Variants in SCML2 observed in about 807,000 individuals in gnomAD.
SCML2 encodes sex comb on midleg-like protein 2.
In SCML2, 6 loss-of-function variants were observed where a neutral mutation model predicts 48.4. That is an observed-to-expected ratio of 0.12 (90% CI 0.07 to 0.24). The LOEUF is 0.24. Among genes scored for constraint, SCML2 ranks in the 10% least tolerant of loss-of-function variants. SCML2 has a pLI of 1.00. For synonymous variants in SCML2, 181 were observed against 189.5 expected, an observed-to-expected ratio of 0.95 and a Z score of 0.37; for missense variants, 377 against 528.2, an observed-to-expected ratio of 0.71 and a Z score of 2.81.
At chrX:18,349,352 A>T (rs1189200637) in intron 1 of SCML2, among the ~76,000 whole-genome samples, 1 of 112,597 alleles carries the variant, frequency 8.9e-6, no homozygotes, top group Non-Finnish European at 1.9e-5. Flanking sequence ...CTTATTCTAT[A>T]AGTTTTAACT....
chrX:18,310,736 C>A (rs920845877), intron 6 of SCML2, among the ~76,000 whole-genome samples: 1 of 111,029 alleles, frequency 9.0e-6, no homozygotes, highest in Non-Finnish European at 1.9e-5. Flanking sequence ...CAGGAACGTG[C>A]CACCACATCC....
intron 7 of SCML2, among the ~76,000 whole-genome samples, chrX:18,290,102 C>T (rs897870520): frequency 9.0e-6 from 1 of 111,519 alleles, no homozygotes; most frequent in Non-Finnish European, 1.9e-5. Context: ...ACATACTTGC[C>T]CATAAAATAA....
intron 7 of SCML2, among the ~76,000 whole-genome samples, chrX:18,271,169 T>C (rs1281448096): frequency 1.8e-5 from 2 of 111,601 alleles, no homozygotes; most frequent in African/African-American, 3.3e-5. Context: ...ATTTACTGGC[T>C]ACCCATTACA....
At chrX:18,303,773 A>G (rs931278962) in intron 7 of SCML2, among the ~76,000 whole-genome samples, 1 of 111,781 alleles carries the variant, frequency 8.9e-6, no homozygotes, top group Non-Finnish European at 1.9e-5. Flanking sequence ...GAAGCAGGAA[A>G]CTGGTTAAAG....
chrX:18,269,991 T>C (rs1927393896), intron 7 of SCML2, among the ~76,000 whole-genome samples: 2 of 108,099 alleles, frequency 1.9e-5, no homozygotes, highest in Non-Finnish European at 3.8e-5. Context: ...ATGGCATATA[T>C]GTATGTATGA....
intron 11 of SCML2, among the ~76,000 whole-genome samples, chrX:18,255,163 T>C (rs904145492): frequency 5.4e-5 from 6 of 111,895 alleles, no homozygotes; most frequent in African/African-American, 1.9e-4. Context: ...ACTCTTCCTC[T>C]TCCCCCTAGT....
intron 7 of SCML2, among the ~76,000 whole-genome samples, chrX:18,275,376 A>G (rs1927595216): frequency 8.9e-6 from 1 of 112,781 alleles, no homozygotes; most frequent in Non-Finnish European, 1.9e-5. Flanking sequence ...TGGCTAAACT[A>G]TTACACATTC....
intron 1 of SCML2, among the ~76,000 whole-genome samples, chrX:18,352,307 T>C (rs1344761285): frequency 8.9e-6 from 1 of 112,230 alleles, no homozygotes; most frequent in Non-Finnish European, 1.9e-5. Context: ...TTGATTTCCA[T>C]TTATACCAGC....
intron 1 of SCML2, among the ~76,000 whole-genome samples, chrX:18,350,250 G>C (rs1378097445): frequency 9.0e-6 from 1 of 110,521 alleles, no homozygotes; most frequent in Non-Finnish European, 1.9e-5. Flanking sequence ...CCGCACTCCA[G>C]CCTGGGCAAC....
chrX:18,353,274 GAATTA>G (rs1725088724), intron 1 of SCML2, among the ~76,000 whole-genome samples: 1 of 111,970 alleles, frequency 8.9e-6, no homozygotes, highest in Non-Finnish European at 1.9e-5. Flanking sequence ...TTATTGAAAA[GAATTA>G]AATATGCGTT....
At chrX:18,317,959 T>C (rs1405777643) in intron 6 of SCML2, among the ~76,000 whole-genome samples, 1 of 110,969 alleles carries the variant, frequency 9.0e-6, no homozygotes, top group Non-Finnish European at 1.9e-5. Flanking sequence ...GCTAAGAGTA[T>C]AGCTTGATTC....
At chrX:18,299,946 C>G in intron 7 of SCML2, among the ~76,000 whole-genome samples, 1 of 110,064 alleles carries the variant, frequency 9.1e-6, no homozygotes, top group African/African-American at 3.3e-5. Context: ...CACTGTGTTG[C>G]CCAGGCTGGT....
intron 1 of SCML2, among the ~76,000 whole-genome samples, chrX:18,339,539 C>T (rs1331865815): frequency 9.0e-6 from 1 of 111,220 alleles, no homozygotes; most frequent in African/African-American, 3.3e-5. Context: ...AAGACACCAT[C>T]ACTACAGAAA....
At chrX:18,344,739 A>C (rs1004720745) in intron 1 of SCML2, among the ~76,000 whole-genome samples, 1 of 111,821 alleles carries the variant, frequency 8.9e-6, no homozygotes, top group Admixed American at 9.6e-5. Context: ...TAAGTCCATT[A>C]AACCTCTTTT....
intron 5 of SCML2, among the ~76,000 whole-genome samples, chrX:18,322,503 A>T (rs1432419350): frequency 1.8e-5 from 2 of 112,445 alleles, no homozygotes; most frequent in East Asian, 5.5e-4. Context: ...ATAAACAACA[A>T]ATAAACGACA....
At chrX:18,256,231 C>A (rs1438142156) in intron 11 of SCML2, among the ~76,000 whole-genome samples, 2 of 111,312 alleles carry the variant, frequency 1.8e-5, no homozygotes, top group Non-Finnish European at 3.8e-5. Flanking sequence ...GCGGGAGGAT[C>A]ACTTAAGGTC....
intron 7 of SCML2, among the ~76,000 whole-genome samples, chrX:18,287,363 C>T (rs909781341): frequency 9.0e-6 from 1 of 111,400 alleles, no homozygotes; most frequent in Non-Finnish European, 1.9e-5. Flanking sequence ...TTTTGATTCA[C>T]TCCCTCCTCC....
chrX:18,327,992 T>C (rs981008716), intron 3 of SCML2, among the ~76,000 whole-genome samples: 1 of 111,914 alleles, frequency 8.9e-6, no homozygotes, highest in Admixed American at 9.5e-5. Context: ...ATTGACAGAC[T>C]GGGGATGGGG....
intron 6 of SCML2, among the ~76,000 whole-genome samples, chrX:18,312,593 G>A (rs1046765773): frequency 2.7e-5 from 3 of 109,816 alleles, no homozygotes; most frequent in South Asian, 4.0e-4. Flanking sequence ...TGCAGAACCC[G>A]AGGATATGGA....
Sources: gnomAD v4.1 joint callset for allele counts (sites outside exome capture counted in the v4.1 genomes callset) on GRCh38, gnomAD v4.1.1 for gene constraint, MANE v1.5 for transcripts, NCBI Gene and HGNC (gene_info 2026-07-23, HGNC 2026-07-21) for gene names.